The following ST18 variants were observed in gnomAD, a reference collection of about 807,000 sequenced individuals.
ST18 encodes the protein suppression of tumorigenicity 18 protein.
Under a neutral mutation model 110.0 loss-of-function variants are expected in ST18, and 50 were observed. The observed-to-expected ratio is 0.45, with a 90% CI of 0.36 to 0.58. The LOEUF is 0.58. Ranked by LOEUF, ST18 falls within the 20% of genes least tolerant of loss-of-function variation. The pLI is 0.00. For synonymous variants in ST18, 461 were observed against 452.4 expected (o/e 1.02, Z -0.24); for missense variants, 1,306 against 1,280.1 (o/e 1.02, Z -0.31).
intron 2 of ST18, among the ~76,000 whole-genome samples, chr8:52,358,829 A>G (rs1274045045): frequency 1.3e-5 from 2 of 151,974 alleles, no homozygotes; most frequent in Admixed American, 6.6e-5. Flanking sequence ...TTCCAAAAAA[A>G]ATAGAAGAAG....
chr8:52,237,001 C>A (rs1051442103), intron 2 of ST18, among the ~76,000 whole-genome samples: 11 of 152,214 alleles, frequency 7.2e-5, no homozygotes, highest in African/African-American at 2.7e-4. Context: ...CCTAACTCTG[C>A]TCTTCTGTGA....
chr8:52,273,856 T>C (rs1397008499), intron 2 of ST18, among the ~76,000 whole-genome samples: 1 of 152,136 alleles, frequency 6.6e-6, no homozygotes, highest in Non-Finnish European at 1.5e-5. Flanking sequence ...GCCTAGAAAA[T>C]GTTGCAACAT....
intron 2 of ST18, among the ~76,000 whole-genome samples, chr8:52,314,104 G>GCCCCAAA (rs1190380375): frequency 6.6e-6 from 1 of 152,144 alleles, no homozygotes; most frequent in Non-Finnish European, 1.5e-5. Flanking sequence ...CACCATTCCT[G>GCCCCAAA]CCCAAAATGG....
At chr8:52,230,219 A>C (rs541874853) in intron 2 of ST18, 142 bp from the exon 3 acceptor site, 3 of 152,234 alleles carry the variant, frequency 2.0e-5, no homozygotes, top group Non-Finnish European at 4.4e-5. Context: ...ATATGGGTTG[A>C]AGTATTACCA....
intron 2 of ST18, among the ~76,000 whole-genome samples, chr8:52,343,217 T>G (rs1815990456): frequency 6.6e-6 from 1 of 152,060 alleles, no homozygotes; most frequent in Admixed American, 6.5e-5. Flanking sequence ...GTGAATGCCC[T>G]GCGTATGGAA....
chr8:52,398,668 A>G (rs753120822), intron 2 of ST18, among the ~76,000 whole-genome samples: 44 of 152,272 alleles, frequency 2.9e-4, no homozygotes, highest in Non-Finnish European at 7.4e-5. Flanking sequence ...GTCTACATCA[A>G]TTGAGACACA....
At chr8:52,233,671 G>C (rs1009233850) in intron 2 of ST18, among the ~76,000 whole-genome samples, 2 of 152,006 alleles carry the variant, frequency 1.3e-5, no homozygotes, top group Non-Finnish European at 1.5e-5. Context: ...TATATCAGGC[G>C]TTTCGTCCAA....
chr8:52,216,140 C>G (rs1344025212), intron 6 of ST18, among the ~76,000 whole-genome samples: 1 of 152,200 alleles, frequency 6.6e-6, no homozygotes, highest in East Asian at 1.9e-4. Context: ...GCAAAGAGTG[C>G]CAGTGGACAC....
intron 7 of ST18, among the ~76,000 whole-genome samples, chr8:52,212,521 T>C (rs918112225): frequency 1.3e-5 from 2 of 152,210 alleles, no homozygotes; most frequent in African/African-American, 4.8e-5. Flanking sequence ...CTTTGCTAAA[T>C]AAATATGTCC....
At chr8:52,395,485 G>A (rs1840770074) in intron 2 of ST18, among the ~76,000 whole-genome samples, 2 of 152,168 alleles carry the variant, frequency 1.3e-5, no homozygotes, top group African/African-American at 4.8e-5. Flanking sequence ...AGATATCTAG[G>A]TAAGAGCCCA....
chr8:52,363,809 A>T (rs368426903), intron 2 of ST18, among the ~76,000 whole-genome samples: 2 of 151,608 alleles, frequency 1.3e-5, no homozygotes, highest in Non-Finnish European at 1.5e-5. Context: ...TGTGTGTGTG[A>T]GTTTTTCTAT....
chr8:52,225,193 A>G (rs953767715), intron 3 of ST18, among the ~76,000 whole-genome samples: 3 of 152,236 alleles, frequency 2.0e-5, no homozygotes, highest in Non-Finnish European at 4.4e-5. Flanking sequence ...AACTTATGCA[A>G]GACCTATATT....
At chr8:52,301,756 T>G (rs903481849) in intron 2 of ST18, 2 of 152,206 alleles carry the variant, frequency 1.3e-5, no homozygotes, top group Non-Finnish European at 2.9e-5. Context: ...ATGATCTGCT[T>G]GTAAAAATCT....
At chr8:52,276,180 T>TCA (rs2095256241) in intron 2 of ST18, among the ~76,000 whole-genome samples, 1 of 1,786 alleles carries the variant, frequency 5.6e-4, no homozygotes, top group East Asian at 0.014. Flanking sequence ...ATACCATACA[T>TCA]CACACACACA....
chr8:52,133,307 A>G lies in ST18; in HGVS notation c.2301-6T>C, dbSNP rs367565136. On this transcript the variant is annotated splice_polypyrimidine_tract_variant and splice_region_variant and intron_variant, in intron 19 of 25. Transcript: ENST00000689386. ...CGCAGCCTGGGGTTGGACACCTGGA[A>G]GGCACAGGAAGAGAGCATGGGCTGA... 2.5e-6 allele frequency: 4 copies of G among 1,614,148 alleles called. No homozygotes were observed. Among genetic ancestry groups the G allele is most frequent in the African/African-American group, 1.3e-5 (1 of 75,040 alleles).
At position 52,142,986 on chromosome 8, in the gene ST18, A is replaced by AC; in HGVS notation, c.2111_2112insG (p.Ile705TyrfsTer5). 1 of 1,614,136 alleles carries AC rather than the reference A, an allele frequency of 6.2e-7. No individual in the cohort carries two copies. Among genetic ancestry groups the AC allele is most frequent in the Non-Finnish European group, 8.5e-7 (1 of 1,180,002 alleles). On this transcript the variant is annotated frameshift_variant, in exon 17 of 26. Transcript: ENST00000689386. LOFTEE classifies it high-confidence loss of function. ...GAAGCTTGGGTTTAGGGCTTGGTAT[A>AC]GAGGCCTCTCCAGGAAACTTTTTTT...
intron 2 of ST18, among the ~76,000 whole-genome samples, chr8:52,260,825 A>G (rs2094669176): frequency 6.6e-6 from 1 of 152,198 alleles, no homozygotes; most frequent in Admixed American, 6.5e-5. Flanking sequence ...AAAACCCCAC[A>G]TTTCCTGGAC....
At chr8:52,346,784 T>C (rs1222622867) in intron 2 of ST18, among the ~76,000 whole-genome samples, 1 of 152,094 alleles carries the variant, frequency 6.6e-6, no homozygotes, top group Non-Finnish European at 1.5e-5. Flanking sequence ...TTCAAGAGGA[T>C]AGAAAGGTTT....
intron 15 of ST18, among the ~76,000 whole-genome samples, chr8:52,151,653 G>T (rs747545084): frequency 1.3e-5 from 2 of 152,092 alleles, no homozygotes; most frequent in African/African-American, 4.8e-5. Flanking sequence ...TGCCAGGAGC[G>T]CATCAAAACA....
Sources: allele counts gnomAD v4.1 joint callset (sites outside exome capture counted in the v4.1 genomes callset), GRCh38; gene constraint gnomAD v4.1.1; transcripts MANE v1.5; gene names NCBI Gene and HGNC (gene_info 2026-07-23, HGNC 2026-07-21).